TRPM3: variants seen among roughly 807,000 people sequenced by gnomAD.
TRPM3 encodes the protein transient receptor potential cation channel subfamily M member 3, also known as long transient receptor potential channel 3.
Under a neutral mutation model 181.2 loss-of-function variants are expected in TRPM3, and 77 were observed. That is an observed-to-expected ratio of 0.42 (90% CI 0.35 to 0.51). TRPM3 has a LOEUF of 0.51. Among genes scored for constraint, TRPM3 ranks in the 20% least tolerant of loss-of-function variants. TRPM3 has a pLI of 0.01. For missense variants in TRPM3, 1,759 were observed against 2,196.7 expected (o/e 0.80, Z 3.98); for synonymous variants, 745 against 796.4 (o/e 0.94, Z 1.09).
intron 12 of TRPM3, among the ~76,000 whole-genome samples, chr9:70,629,845 G>C (rs1209166657): frequency 6.6e-6 from 1 of 152,204 alleles, no homozygotes; most frequent in Non-Finnish European, 1.5e-5. Flanking sequence ...GAGCAAAGAA[G>C]TTAGGGAATT....
chr9:71,045,574 G>A lies in TRPM3; in HGVS notation c.177+75604C>T, dbSNP rs1400951469. On this transcript the variant is annotated intron_variant, in intron 1 of 25. Transcript: ENST00000677713. ...AGATTGCTTATGAGATGGTTGATGG[G>A]TCTCATTAAAGAAGCAGCAATGAGG... 2.0e-5 allele frequency among the ~76,000 whole-genome samples: 3 copies of A among 152,160 alleles called. No individual in the cohort carries two copies. In the East Asian group the frequency reaches 5.8e-4, roughly 29 times the overall value.
At chr9:70,742,932 A>T (rs2074430153) in intron 8 of TRPM3, among the ~76,000 whole-genome samples, 1 of 152,176 alleles carries the variant, frequency 6.6e-6, no homozygotes, top group Non-Finnish European at 1.5e-5. Flanking sequence ...ATCTTTCCTT[A>T]GCCACCACAA....
intron 6 of TRPM3, among the ~76,000 whole-genome samples, chr9:70,809,156 T>C (rs926292591): frequency 3.3e-5 from 5 of 152,226 alleles, no homozygotes; most frequent in African/African-American, 1.2e-4. Flanking sequence ...TATTTTTGTA[T>C]AGCTGCATAA....
chr9:70,626,189 C>T (rs1451206259), intron 12 of TRPM3, among the ~76,000 whole-genome samples: 1 of 152,114 alleles, frequency 6.6e-6, no homozygotes, highest in Non-Finnish European at 1.5e-5. Flanking sequence ...CTTTCTACTT[C>T]TAAAGTTTAG....
At chr9:71,406,698 C>G (rs191184617) in intron 1 of TRPM3, among the ~76,000 whole-genome samples, 52 of 152,284 alleles carry the variant, frequency 3.4e-4, no homozygotes, top group African/African-American at 1.2e-3. Context: ...ATAATAATGT[C>G]ATTTGCATCA....
chr9:70,643,711 C>T (rs2058408871), intron 9 of TRPM3, among the ~76,000 whole-genome samples: 1 of 152,208 alleles, frequency 6.6e-6, no homozygotes, highest in Admixed American at 6.5e-5. Flanking sequence ...TGGCTGTGCA[C>T]TTGGAATTGC....
intron 1 of TRPM3, among the ~76,000 whole-genome samples, chr9:70,985,236 TAAG>T (rs757105432): frequency 2.6e-5 from 4 of 152,208 alleles, no homozygotes; most frequent in African/African-American, 9.6e-5. Flanking sequence ...CTAATTTAAT[TAAG>T]AAGATCTCTG....
At chr9:70,878,752 A>C (rs1457567154) in intron 1 of TRPM3, among the ~76,000 whole-genome samples, 2 of 152,080 alleles carry the variant, frequency 1.3e-5, no homozygotes, top group Non-Finnish European at 2.9e-5. Context: ...ACCACAAGGC[A>C]CTAATCAGTG....
At chr9:71,084,184 C>T (rs75165532) in intron 1 of TRPM3, among the ~76,000 whole-genome samples, 2,162 of 152,032 alleles carry the variant, frequency 0.014, 41 homozygotes, top group East Asian at 0.078. Context: ...CTTGAGAAAT[C>T]GGCTGGCTGA....
At chr9:71,329,993 T>TGA (rs887067234) in intron 1 of TRPM3, among the ~76,000 whole-genome samples, 1 of 151,820 alleles carries the variant, frequency 6.6e-6, no homozygotes, top group African/African-American at 2.4e-5. Flanking sequence ...CCAGAAAAGA[T>TGA]GAGTGAGAAA....
At chr9:71,299,841 T>G (rs890941608) in intron 1 of TRPM3, among the ~76,000 whole-genome samples, 1 of 152,060 alleles carries the variant, frequency 6.6e-6, no homozygotes, top group African/African-American at 2.4e-5. Context: ...AAACTCCAGA[T>G]AAGAGGGCAA....
intron 1 of TRPM3, among the ~76,000 whole-genome samples, chr9:71,199,631 T>C (rs2078642694): frequency 6.6e-6 from 1 of 152,238 alleles, no homozygotes; most frequent in Non-Finnish European, 1.5e-5. Context: ...AATTTATCCA[T>C]TTATTCTAGA....
chr9:70,922,478 A>G (rs1188275406), intron 1 of TRPM3, among the ~76,000 whole-genome samples: 1 of 152,256 alleles, frequency 6.6e-6, no homozygotes, highest in African/African-American at 2.4e-5. Context: ...TATATAATTT[A>G]TATCTTCATA....
rs2040503728 is a variant in TRPM3, at chr9:70,529,065, T to C, written c.*6888A>G. The C allele has an allele frequency of 6.6e-6, 1 of 152,058 alleles. No homozygotes were observed. The highest frequency in any genetic ancestry group is 2.4e-5 in the African/African-American group (1 of 41,418). 9.4% of individuals were successfully genotyped at this position (152,058 alleles called of 1,614,324 possible). ...AGTGCACAAAGAAGTCCAAGTCATG[T>C]TTTAAACTACTGAGTTTTTTTTTTT... On this transcript the variant is annotated 3_prime_UTR_variant, in exon 26 of 26. Coordinates refer to ENST00000677713, the MANE Select transcript of TRPM3 (RefSeq NM_001366145.2).
intron 8 of TRPM3, among the ~76,000 whole-genome samples, chr9:70,757,875 A>T (rs2077367625): frequency 6.6e-6 from 1 of 152,242 alleles, no homozygotes; most frequent in African/African-American, 2.4e-5. Context: ...CCAATATCAT[A>T]CTGAATGTGC....
intron 8 of TRPM3, among the ~76,000 whole-genome samples, chr9:70,740,520 A>G (rs1424274045): frequency 6.6e-6 from 1 of 152,226 alleles, no homozygotes; most frequent in East Asian, 1.9e-4. Context: ...TTGCATAGCC[A>G]AGGCAAGACT....
At chr9:70,611,229 G>A (rs1435090841) in intron 18 of TRPM3, among the ~76,000 whole-genome samples, 1 of 152,322 alleles carries the variant, frequency 6.6e-6, no homozygotes, top group East Asian at 1.9e-4. Flanking sequence ...TACTCAAGAG[G>A]TAAATTATCT....
intron 7 of TRPM3, among the ~76,000 whole-genome samples, chr9:70,781,336 A>G (rs1376327805): frequency 6.6e-6 from 1 of 150,852 alleles, no homozygotes; most frequent in Admixed American, 6.6e-5. Flanking sequence ...TAAAAAAAAA[A>G]AAAAAAAAAA....
intron 1 of TRPM3, among the ~76,000 whole-genome samples, chr9:71,100,046 C>T (rs1479273335): frequency 2.6e-5 from 4 of 152,132 alleles, no homozygotes; most frequent in Admixed American, 6.6e-5. Flanking sequence ...TTTCCTGACA[C>T]AGTCTGACTT....
Sources: gnomAD v4.1 joint callset for allele counts (sites outside exome capture counted in the v4.1 genomes callset) on GRCh38, gnomAD v4.1.1 for gene constraint, MANE v1.5 for transcripts, NCBI Gene and HGNC (gene_info 2026-07-23, HGNC 2026-07-21) for gene names.